Variants in VIPR2 observed in about 807,000 individuals in gnomAD.
VIPR2 encodes the protein vasoactive intestinal peptide receptor 2.
A neutral mutation model predicts 58.0 loss-of-function variants in VIPR2; 48 were observed. The ratio of observed to expected loss-of-function variants is 0.83; its 90% CI spans 0.66 to 1.05. The LOEUF is 1.05. VIPR2 is among the 50% of genes least tolerant of loss of function. VIPR2 has a pLI of 0.00. For missense variants in VIPR2, 534 were observed against 558.0 expected (o/e 0.96, Z 0.43); for synonymous variants, 243 against 235.2 (o/e 1.03, Z -0.30).
chr7:159,039,974 G>A (rs1254089794), intron 6 of VIPR2, among the ~76,000 whole-genome samples: 2 of 152,206 alleles, frequency 1.3e-5, no homozygotes, highest in African/African-American at 2.4e-5. Flanking sequence ...AGCAGGCGCC[G>A]ACCTGGTGGG....
At chr7:159,103,432 C>T (rs1476836940) in intron 4 of VIPR2, among the ~76,000 whole-genome samples, 1 of 152,196 alleles carries the variant, frequency 6.6e-6, no homozygotes, top group African/African-American at 2.4e-5. Flanking sequence ...AAAGGGCATG[C>T]TCTCCAGGAC....
chr7:159,031,415 T>G lies in VIPR2; in HGVS notation c.1143+413A>C, dbSNP rs1853574739. 1.0e-6 allele frequency: 1 copy of G among 983,878 alleles called. No homozygotes were observed. Among genetic ancestry groups the G allele is most frequent in the South Asian group, 4.7e-5 (1 of 21,258 alleles). 60.9% of individuals were successfully genotyped at this position (983,878 alleles called of 1,614,324 possible). On this transcript the variant is annotated intron_variant, in intron 12 of 12. Coordinates refer to ENST00000262178, the MANE Select transcript of VIPR2 (RefSeq NM_003382.5). This position sits in a 1 kb window ranked among gnomAD's most constrained non-coding sequence, Gnocchi z 4.0. ...GAATGAACGCAGGGCAGAGCTCGGC[T>G]CCGGGCTTCCTCCCCAGGGACTCAC... is the stretch of plus-strand genomic sequence containing the variant.
intron 4 of VIPR2, among the ~76,000 whole-genome samples, chr7:159,064,471 G>C (rs1855970140): frequency 6.6e-6 from 1 of 152,152 alleles, no homozygotes; most frequent in Non-Finnish European, 1.5e-5. Context: ...GAGGATGATG[G>C]CGGGGTGAAA....
At chr7:159,131,870 T>G (rs1796927537) in intron 2 of VIPR2, among the ~76,000 whole-genome samples, 1 of 152,218 alleles carries the variant, frequency 6.6e-6, no homozygotes, top group Non-Finnish European at 1.5e-5. Context: ...AAGCGACACT[T>G]AACCTGAGCC....
At chr7:159,040,673 T>C (rs1854272138) in intron 6 of VIPR2, among the ~76,000 whole-genome samples, 1 of 152,208 alleles carries the variant, frequency 6.6e-6, no homozygotes, top group African/African-American at 2.4e-5. Context: ...AGAATAACCT[T>C]GGTTTGGTGA....
rs930413749 is a variant in VIPR2 at position 159,093,849 on chromosome 7, C to T, written c.357+9908G>A. Among the ~76,000 whole-genome samples, 1 of 152,160 alleles carries T rather than the reference C, an allele frequency of 6.6e-6. No homozygotes were observed. The highest frequency in any genetic ancestry group is 6.5e-5 in the Admixed American group (1 of 15,282). On this transcript the variant is annotated intron_variant, in intron 4 of 12. Coordinates refer to ENST00000262178, the MANE Select transcript of VIPR2 (RefSeq NM_003382.5). This position sits in a 1 kb window ranked among gnomAD's most constrained non-coding sequence, Gnocchi z 6.7. ...GGACATGGGAGAGGCCCCGCAGTGT[C>T]CCTGAGTCTCCTGGACAGCGGCCAC...
At position 159,036,046 on chromosome 7, in the gene VIPR2, G is replaced by A. The variant is rs114509158; in HGVS notation, c.749-34C>T. 9.8e-4 allele frequency: 1,576 copies of A among 1,603,926 alleles called. 4 individuals carry two copies. The African/African-American group carries it at 0.012, about 12-fold the overall frequency. ...AGACGCCTGGTTACACAGGTGGAGC[G>A]GAGCGGTGTGCACGCACACAGGTGG... On this transcript the variant is annotated intron_variant, in intron 7 of 12. Coordinates refer to ENST00000262178, the MANE Select transcript of VIPR2 (RefSeq NM_003382.5).
intron 2 of VIPR2, among the ~76,000 whole-genome samples, chr7:159,122,849 CTTTTA>C (rs988203636): frequency 6.6e-6 from 1 of 151,902 alleles, no homozygotes; most frequent in Non-Finnish European, 1.5e-5. Flanking sequence ...TTTTTTTTAA[CTTTTA>C]TTTTAGGTTC....
intron 2 of VIPR2, among the ~76,000 whole-genome samples, chr7:159,126,960 C>T (rs138856052): frequency 2.8e-4 from 42 of 152,326 alleles, no homozygotes; most frequent in African/African-American, 9.4e-4. Context: ...CCTGCAAACA[C>T]AGCCTTGAGG....
chr7:159,059,360 A>C (rs992823564), intron 4 of VIPR2: 2 of 471,138 alleles, frequency 4.2e-6, no homozygotes, highest in Non-Finnish European at 8.8e-6. Context: ...GCTAATTCCT[A>C]TAAAATAAAG....
At chr7:159,049,148 T>C (rs533185067) in intron 5 of VIPR2, among the ~76,000 whole-genome samples, 14 of 152,356 alleles carry the variant, frequency 9.2e-5, no homozygotes, top group African/African-American at 3.4e-4. Context: ...AACATGAACC[T>C]TTCTTGGGGC....
intron 2 of VIPR2, among the ~76,000 whole-genome samples, chr7:159,112,668 TGAG>T (rs1297767606): frequency 1.1e-4 from 17 of 148,874 alleles, no homozygotes; most frequent in Admixed American, 2.0e-4. Context: ...GCCCCGACTG[TGAG>T]GAGGCGGCTC....
chr7:159,096,944 T>C lies in VIPR2; in HGVS notation c.357+6813A>G, dbSNP rs114243022. On this transcript the variant is annotated intron_variant, in intron 4 of 12. Transcript: ENST00000262178. This position sits in a 1 kb window ranked among gnomAD's most constrained non-coding sequence, Gnocchi z 5.5. ...TGAGCCAATGCCCTCGTGGCTGGCA[T>C]TGAGCTTGGCACCTGCTGGGCCTGA... is the stretch of plus-strand genomic sequence containing the variant. The C allele has an allele frequency of 2.6e-3, 4,089 of 1,550,628 alleles. 87 individuals are homozygous for C. The African/African-American group carries it at 0.048, about 18-fold the overall frequency.
At chr7:159,045,556 A>G (rs1046524462) in intron 5 of VIPR2, among the ~76,000 whole-genome samples, 1 of 152,224 alleles carries the variant, frequency 6.6e-6, no homozygotes, top group Non-Finnish European at 1.5e-5. Flanking sequence ...CCCCTACCTC[A>G]CAGCATATTA....
At chr7:159,065,350 C>G (rs1444892717) in intron 4 of VIPR2, among the ~76,000 whole-genome samples, 2 of 152,166 alleles carry the variant, frequency 1.3e-5, no homozygotes, top group Non-Finnish European at 2.9e-5. Flanking sequence ...GGCGGCCACC[C>G]CAGGCTCTGG....
chr7:159,034,024 C>T (rs896577304), intron 10 of VIPR2, among the ~76,000 whole-genome samples, 189 bp downstream of exon 10: 2 of 152,188 alleles, frequency 1.3e-5, no homozygotes, highest in East Asian at 3.9e-4. Context: ...TTTGTTACTT[C>T]GCCAGGGAAA....
chr7:159,068,886 T>C (rs527633608), intron 4 of VIPR2, among the ~76,000 whole-genome samples: 3 of 152,294 alleles, frequency 2.0e-5, no homozygotes, highest in African/African-American at 7.2e-5. Context: ...GAAAACAGTG[T>C]TTCAAACCTA....
chr7:159,140,671 C>T (rs1329634709), intron 2 of VIPR2, among the ~76,000 whole-genome samples: 1 of 152,214 alleles, frequency 6.6e-6, no homozygotes, highest in East Asian at 1.9e-4. Context: ...TCCCAACCAA[C>T]GCTGCCTGCG....
chr7:159,120,660 C>T (rs1207480035), intron 2 of VIPR2, among the ~76,000 whole-genome samples: 2 of 152,280 alleles, frequency 1.3e-5, no homozygotes, highest in Middle Eastern at 3.4e-3. Flanking sequence ...GAAGGCCTCA[C>T]GTTGGCACCA....
Sources: allele counts gnomAD v4.1 joint callset (sites outside exome capture counted in the v4.1 genomes callset), GRCh38; gene constraint gnomAD v4.1.1; non-coding constraint Gnocchi (gnomAD v3.1); transcripts MANE v1.5; gene names NCBI Gene and HGNC (gene_info 2026-07-23, HGNC 2026-07-21).